Variants in TRHDE observed in about 807,000 individuals in gnomAD.
TRHDE encodes the protein thyrotropin-releasing hormone-degrading ectoenzyme.
In TRHDE, 72 loss-of-function variants were observed where a neutral mutation model predicts 125.7. The ratio of observed to expected loss-of-function variants is 0.57; its 90% confidence interval spans 0.47 to 0.70. The LOEUF (loss-of-function observed/expected upper bound fraction) is 0.70, where lower values mean the gene tolerates loss of function less well. Ranked by LOEUF, TRHDE falls within the 30% of genes least tolerant of loss-of-function variation. The pLI is 0.00. For synonymous variants in TRHDE, 509 were observed against 509.1 expected (o/e 1.00, Z 0.00); for missense variants, 1,110 against 1,327.1 (o/e 0.84, Z 2.54).
intron 2 of TRHDE, among the ~76,000 whole-genome samples, chr12:72,291,874 G>A (rs375353046): frequency 6.6e-6 from 1 of 152,208 alleles, no homozygotes; most frequent in East Asian, 1.9e-4. Flanking sequence ...ACTGTAGCTT[G>A]TGTTTGCAAT....
chr12:72,287,566 A>T (rs1879936356), intron 2 of TRHDE, among the ~76,000 whole-genome samples: 1 of 142,554 alleles, frequency 7.0e-6, no homozygotes, highest in Admixed American at 7.0e-5. Flanking sequence ...ATTATTTCAT[A>T]TCTATGTATA....
intron 5 of TRHDE, among the ~76,000 whole-genome samples, chr12:72,498,311 C>T (rs978661165): frequency 2.0e-5 from 3 of 152,132 alleles, no homozygotes; most frequent in African/African-American, 7.2e-5. Context: ...GTCAACAATT[C>T]TTTTCTTGGC....
intron 3 of TRHDE, among the ~76,000 whole-genome samples, chr12:72,420,214 C>A (rs189494936): frequency 3.0e-4 from 45 of 152,252 alleles, no homozygotes; most frequent in Admixed American, 8.5e-4. Context: ...TGCAGTTGAT[C>A]GTCTCTAGTT....
chr12:72,379,631 C>T (rs1057251247), intron 3 of TRHDE, among the ~76,000 whole-genome samples: 1 of 152,192 alleles, frequency 6.6e-6, no homozygotes, highest in Non-Finnish European at 1.5e-5. Flanking sequence ...CAGTAATTAG[C>T]AGAGGAACTC....
chr12:72,497,346 T>C (rs1324787726), intron 5 of TRHDE, among the ~76,000 whole-genome samples: 1 of 152,148 alleles, frequency 6.6e-6, no homozygotes, highest in African/African-American at 2.4e-5. Context: ...CTTTATACCA[T>C]TTAAAAATTA....
intron 2 of TRHDE, among the ~76,000 whole-genome samples, chr12:72,185,006 A>C (rs930734624): frequency 2.0e-5 from 3 of 152,074 alleles, no homozygotes; most frequent in Admixed American, 2.0e-4. Context: ...CCAAGGCTGG[A>C]GCCCACTCCC....
Position 72,309,631 on chromosome 12 carries a change from A to G in TRHDE, c.1188+22677A>G, listed in dbSNP as rs552537145. 4 of 152,244 alleles carry G rather than the reference A, an allele frequency of 2.6e-5. No homozygotes were observed. In the East Asian group the frequency reaches 7.7e-4, roughly 29 times the overall value. 9.4% of individuals were successfully genotyped at this position (152,244 alleles called of 1,614,324 possible). On this transcript the variant is annotated intron_variant, in intron 2 of 18. Transcript: ENST00000261180. ...TTCAACTTCCTCAATTAAGTGCAAG[A>G]GAAGTTTATGTGTTGAGAGATGCAG...
intron 2 of TRHDE, among the ~76,000 whole-genome samples, chr12:72,231,252 A>G (rs966271950): frequency 5.9e-5 from 9 of 152,196 alleles, no homozygotes; most frequent in African/African-American, 1.9e-4. Context: ...AGTCACTGAG[A>G]CAACTGTAAC....
At chr12:72,426,932 C>T (rs1874213788) in intron 3 of TRHDE, among the ~76,000 whole-genome samples, 1 of 152,000 alleles carries the variant, frequency 6.6e-6, no homozygotes, top group Non-Finnish European at 1.5e-5. Flanking sequence ...TCATCTTAAT[C>T]ATTCTTACTT....
chr12:72,576,140 C>G (rs558901866), intron 12 of TRHDE, among the ~76,000 whole-genome samples: 1 of 152,102 alleles, frequency 6.6e-6, no homozygotes, highest in Non-Finnish European at 1.5e-5. Flanking sequence ...TAAACTGAAG[C>G]TATTTGCTCA....
intron 2 of TRHDE, among the ~76,000 whole-genome samples, chr12:72,222,539 G>C (rs1333574592): frequency 2.6e-5 from 4 of 152,094 alleles, no homozygotes; most frequent in Non-Finnish European, 5.9e-5. Context: ...TATGTCTGGG[G>C]ATAAGAGGAT....
intron 2 of TRHDE, among the ~76,000 whole-genome samples, chr12:72,178,669 T>C (rs1877037862): frequency 6.6e-6 from 1 of 152,110 alleles, no homozygotes; most frequent in African/African-American, 2.4e-5. Flanking sequence ...AAATCTTACA[T>C]ACCTGCAGAA....
At chr12:72,510,069 A>C (rs886326572) in intron 6 of TRHDE, among the ~76,000 whole-genome samples, 3 of 152,052 alleles carry the variant, frequency 2.0e-5, no homozygotes, top group African/African-American at 7.2e-5. Flanking sequence ...CCTGGACCTC[A>C]TGGGACCCCC....
At chr12:72,607,418 T>C (rs1392183921) in intron 12 of TRHDE, among the ~76,000 whole-genome samples, 1 of 152,218 alleles carries the variant, frequency 6.6e-6, no homozygotes, top group African/African-American at 2.4e-5. Flanking sequence ...TGTTGCAAAA[T>C]GCTGTTTCCT....
At chr12:72,413,831 C>T (rs1873618881) in intron 3 of TRHDE, among the ~76,000 whole-genome samples, 1 of 151,988 alleles carries the variant, frequency 6.6e-6, no homozygotes, top group Admixed American at 6.6e-5. Context: ...AATTTGAGTT[C>T]AAATCCCAGC....
intron 2 of TRHDE, among the ~76,000 whole-genome samples, chr12:72,156,581 G>GA (rs1485083274): frequency 1.3e-5 from 2 of 152,128 alleles, no homozygotes; most frequent in African/African-American, 4.8e-5. Context: ...GAGAGTGTTA[G>GA]AAAAATAGGA....
At chr12:72,337,785 T>C (rs1031539399) in intron 2 of TRHDE, among the ~76,000 whole-genome samples, 3 of 150,682 alleles carry the variant, frequency 2.0e-5, no homozygotes, top group Non-Finnish European at 3.0e-5. Flanking sequence ...CTAATATGCA[T>C]CTCTGAAATT....
intron 3 of TRHDE, among the ~76,000 whole-genome samples, chr12:72,430,321 G>GTATATATACATGTATACATATATACATA (rs1325464830): frequency 1.4e-5 from 2 of 143,438 alleles, no homozygotes; most frequent in Admixed American, 1.4e-4. Flanking sequence ...ATATATACAT[G>GTATATATACATGTATACATATATACATA]TATACATATA....
intron 3 of TRHDE, among the ~76,000 whole-genome samples, chr12:72,435,872 C>T (rs771001388): frequency 1.3e-5 from 2 of 151,728 alleles, no homozygotes; most frequent in Non-Finnish European, 2.9e-5. Flanking sequence ...TATGCTATTA[C>T]AAGCAAACAG....
Sources: allele counts gnomAD v4.1 joint callset (sites outside exome capture counted in the v4.1 genomes callset), GRCh38; gene constraint gnomAD v4.1.1; transcripts MANE v1.5; gene names NCBI Gene and HGNC (gene_info 2026-07-23, HGNC 2026-07-21).